ZNF469: variants seen among roughly 807,000 people sequenced by gnomAD.
The protein encoded by ZNF469 is zinc finger protein 469.
In ZNF469, 1 loss-of-function variant was observed where a neutral mutation model predicts 1.0. That is an observed-to-expected ratio of 1.00 (90% confidence interval 0.35 to 4.73). The LOEUF (loss-of-function observed/expected upper bound fraction) is 4.73, where lower values mean the gene tolerates loss of function less well. Ranked by LOEUF, ZNF469 falls within the 30% of genes most tolerant of loss-of-function variation. ZNF469 has a pLI of 0.16. For synonymous variants in ZNF469, 2,703 were observed against 2,363.4 expected (o/e 1.14, Z -4.17); for missense variants, 6,100 against 5,356.3 (o/e 1.14, Z -4.33).
chr16:88,116,006 G>A, the ZNF469 span, among the ~76,000 whole-genome samples: 1,137 of 152,338 alleles, frequency 7.5e-3, 18 homozygotes, highest in African/African-American at 0.026. Context: ...AAAAGTGTGC[G>A]CTCTGGGAAA....
At chr16:88,357,772 A>C in the ZNF469 span, among the ~76,000 whole-genome samples, 2 of 152,252 alleles carry the variant, frequency 1.3e-5, no homozygotes. Flanking sequence ...CATGCAATGC[A>C]AAAATGTGCA....
chr16:88,101,293 G>A, the ZNF469 span, among the ~76,000 whole-genome samples: 7 of 152,242 alleles, frequency 4.6e-5, no homozygotes, highest in Non-Finnish European at 1.0e-4. Flanking sequence ...GTTGATGATA[G>A]GGAGTGCTGA....
At chr16:88,135,359 G>A in the ZNF469 span, among the ~76,000 whole-genome samples, 1 of 152,256 alleles carries the variant, frequency 6.6e-6, no homozygotes, top group South Asian at 2.1e-4. Context: ...GAAGTCATCT[G>A]TTGGGGAGAA....
the ZNF469 span, among the ~76,000 whole-genome samples, chr16:88,203,728 C>CTGTGTGTGTG: frequency 1.0e-3 from 154 of 150,100 alleles, no homozygotes; most frequent in Middle Eastern, 3.5e-3. Context: ...GTGTCTGTCC[C>CTGTGTGTGTG]TGTGTGTGTG....
At chr16:88,103,149 C>T in the ZNF469 span, among the ~76,000 whole-genome samples, 3 of 151,878 alleles carry the variant, frequency 2.0e-5, no homozygotes, top group Non-Finnish European at 2.9e-5. Context: ...GCCCCTCCCC[C>T]CTCCCCTGGG....
At chr16:88,153,411 G>A in the ZNF469 span, among the ~76,000 whole-genome samples, 3 of 152,238 alleles carry the variant, frequency 2.0e-5, no homozygotes, top group Non-Finnish European at 4.4e-5. Flanking sequence ...CTTGGTATCG[G>A]TGATGCTACC....
At chr16:88,189,532 A>G in the ZNF469 span, among the ~76,000 whole-genome samples, 1 of 152,180 alleles carries the variant, frequency 6.6e-6, no homozygotes, top group African/African-American at 2.4e-5. This position sits in a 1 kb window ranked among gnomAD's most constrained non-coding sequence, Gnocchi z 4.3. Flanking sequence ...TTCCACATGC[A>G]CTTATTGTGC....
At chr16:88,301,097 G>A in the ZNF469 span, among the ~76,000 whole-genome samples, 4 of 152,026 alleles carry the variant, frequency 2.6e-5, no homozygotes, top group South Asian at 2.1e-4. Flanking sequence ...AACTAAAGCC[G>A]TTGGGAGCGT....
the ZNF469 span, among the ~76,000 whole-genome samples, chr16:88,163,273 G>T: frequency 2.4e-5 from 2 of 83,428 alleles, 1 homozygote; most frequent in East Asian, 5.0e-4. Flanking sequence ...ATGAATAGAT[G>T]GGTAGATAGG....
the ZNF469 span, among the ~76,000 whole-genome samples, chr16:88,283,528 C>T: frequency 1.3e-5 from 2 of 152,202 alleles, no homozygotes; most frequent in Admixed American, 6.5e-5. Context: ...TGTGCTACGC[C>T]ATTCTTCCAA....
rs1390783169 is a variant in ZNF469, at chr16:88,424,360, G to C, written c.-191-447G>C. On this transcript the variant is annotated intron_variant, in intron 1 of 2. Coordinates refer to ENST00000565624, the MANE Select transcript of ZNF469 (RefSeq NM_001367624.2). This position sits in a 1 kb window ranked among gnomAD's most constrained non-coding sequence, Gnocchi z 4.3. ...AAGGCAGTGTGTGTTCCTGTGTGCTGGTGTTTGCATCCAGGGACTCTGGGA... is the reference window on the plus strand; with the variant it reads ...AAGGCAGTGTGTGTTCCTGTGTGCTCGTGTTTGCATCCAGGGACTCTGGGA... Among the ~76,000 whole-genome samples the C allele has an allele frequency of 6.6e-6, 1 of 152,162 alleles. No homozygotes were observed. Among genetic ancestry groups the C allele is most frequent in the Non-Finnish European group, 1.5e-5 (1 of 68,020 alleles).
chr16:88,420,103 T>TG (rs1905413671), intron 1 of ZNF469, among the ~76,000 whole-genome samples: 2 of 152,150 alleles, frequency 1.3e-5, no homozygotes, highest in African/African-American at 4.8e-5. Flanking sequence ...ACAGGGCACA[T>TG]GCACCAGGCC....
At chr16:88,273,865 C>T in the ZNF469 span, among the ~76,000 whole-genome samples, 5 of 144,710 alleles carry the variant, frequency 3.5e-5, no homozygotes, top group African/African-American at 1.0e-4. Context: ...AGTGCAGTGG[C>T]GCGATCTCGG....
chr16:88,434,448 C>G lies in ZNF469; in HGVS notation c.6978C>G (p.His2326Gln), dbSNP rs185282301. Residue 2326 changes from histidine (H) to glutamine (Q), a missense_variant, in exon 3 of 3, where the codon CAC becomes CAG. By Grantham distance (24) the His-to-Gln change is conservative. Transcript: ENST00000565624. ...ACCCTGACAGGATGCCCAGGGGCCA[C>G]TCCTCGTATTCTCCAAGCAATACTG... ...HTNPDRMPRGHSSYSPSNTAR... is the reference protein window; with the variant it reads ...HTNPDRMPRGQSSYSPSNTAR... The G allele has an allele frequency of 7.9e-5, 122 of 1,549,594 alleles. No homozygotes were observed. The African/African-American group carries it at 1.3e-3, about 16-fold the overall frequency.
chr16:88,140,267 G>T, the ZNF469 span, among the ~76,000 whole-genome samples: 9 of 152,126 alleles, frequency 5.9e-5, no homozygotes, highest in African/African-American at 2.2e-4. Flanking sequence ...AAAAGTGGCC[G>T]GGGAAATACA....
At chr16:88,227,629 C>T in the ZNF469 span, among the ~76,000 whole-genome samples, 18 of 151,538 alleles carry the variant, frequency 1.2e-4, no homozygotes, top group African/African-American at 3.6e-4. Flanking sequence ...CCTGTGTCCC[C>T]GTCTCCCCTT....
At chr16:88,147,367 C>A in the ZNF469 span, among the ~76,000 whole-genome samples, 7 of 152,026 alleles carry the variant, frequency 4.6e-5, no homozygotes, top group African/African-American at 1.7e-4. Context: ...AAAGTCAGTC[C>A]ATGTTGTTTT....
the ZNF469 span, among the ~76,000 whole-genome samples, chr16:88,278,084 C>T: frequency 3.3e-5 from 1 of 30,052 alleles, no homozygotes; most frequent in Non-Finnish European, 5.5e-5. Context: ...CGCTGACACT[C>T]GGTCAGTACC....
the ZNF469 span, among the ~76,000 whole-genome samples, chr16:88,309,740 G>A: frequency 2.4e-4 from 36 of 151,988 alleles, no homozygotes; most frequent in South Asian, 2.1e-4. Context: ...GACACCTGGC[G>A]GGGGGGTGCC....
Sources: allele counts gnomAD v4.1 joint callset (sites outside exome capture counted in the v4.1 genomes callset), GRCh38; gene constraint gnomAD v4.1.1; non-coding constraint Gnocchi (gnomAD v3.1); transcripts MANE v1.5; gene names NCBI Gene and HGNC (gene_info 2026-07-23, HGNC 2026-07-21).